CNTN5: variants seen among roughly 807,000 people sequenced by gnomAD.
The protein encoded by CNTN5 is contactin 5.
Under a neutral mutation model 129.1 loss-of-function variants are expected in CNTN5, and 77 were observed. The ratio of observed to expected loss-of-function variants is 0.60; its 90% CI spans 0.50 to 0.72. The LOEUF (loss-of-function observed/expected upper bound fraction) is 0.72. CNTN5 is among the 30% of genes least tolerant of loss of function. The pLI is 0.00. For missense variants in CNTN5, 1,478 were observed against 1,328.8 expected, an observed-to-expected ratio of 1.11 and a Z score of -1.75; for synonymous variants, 509 against 465.6, an observed-to-expected ratio of 1.09 and a Z score of -1.20.
At chr11:100,220,231 T>C (rs1949233017) in intron 15 of CNTN5, among the ~76,000 whole-genome samples, 1 of 151,888 alleles carries the variant, frequency 6.6e-6, no homozygotes, top group Admixed American at 6.5e-5. Flanking sequence ...GAGCCAAGAT[T>C]GCACCAGTGC....
At chr11:100,060,774 G>A (rs1215405739) in intron 9 of CNTN5, among the ~76,000 whole-genome samples, 1 of 151,358 alleles carries the variant, frequency 6.6e-6, no homozygotes, top group Non-Finnish European at 1.5e-5. Flanking sequence ...AGAATAGCTG[G>A]GATTATAGGC....
At chr11:99,099,765 T>C (rs1288442042) in intron 1 of CNTN5, among the ~76,000 whole-genome samples, 1 of 152,142 alleles carries the variant, frequency 6.6e-6, no homozygotes, top group Non-Finnish European at 1.5e-5. Context: ...AAGGTTGCTG[T>C]GATGATAAAT....
intron 3 of CNTN5, among the ~76,000 whole-genome samples, chr11:99,613,181 T>A (rs1950642867): frequency 1.3e-5 from 2 of 152,172 alleles, no homozygotes; most frequent in Admixed American, 1.3e-4. Flanking sequence ...TCTTGAATTG[T>A]AAGCACCATA....
intron 13 of CNTN5, among the ~76,000 whole-genome samples, chr11:100,079,680 T>G (rs184786367): frequency 3.9e-5 from 6 of 152,214 alleles, no homozygotes; most frequent in Non-Finnish European, 8.8e-5. Flanking sequence ...CTCTCCAGGT[T>G]TTCCCCCCAT....
intron 1 of CNTN5, among the ~76,000 whole-genome samples, chr11:99,069,484 A>C (rs1383032949): frequency 2.6e-5 from 4 of 152,118 alleles, no homozygotes; most frequent in Admixed American, 2.6e-4. Context: ...GTATTTGTTT[A>C]TGTCTCTCCC....
chr11:99,796,464 T>C (rs1309434495), intron 3 of CNTN5, among the ~76,000 whole-genome samples: 1 of 152,004 alleles, frequency 6.6e-6, no homozygotes, highest in Non-Finnish European at 1.5e-5. Flanking sequence ...GGGGGGTAAG[T>C]GCGAGTGACC....
chr11:99,572,791 A>G (rs7120220), intron 3 of CNTN5, among the ~76,000 whole-genome samples: 4 of 152,252 alleles, frequency 2.6e-5, no homozygotes, highest in African/African-American at 9.6e-5. Context: ...ATCAAATGAG[A>G]AAACAGTGAA....
intron 1 of CNTN5, among the ~76,000 whole-genome samples, chr11:99,300,507 AT>A (rs1166543196): frequency 2.0e-5 from 3 of 152,016 alleles, no homozygotes; most frequent in Non-Finnish European, 4.4e-5. Context: ...ATCCTGTTGA[AT>A]TTAGTTTGCT....
chr11:99,505,768 G>C (rs974250737), intron 2 of CNTN5, among the ~76,000 whole-genome samples: 1 of 152,028 alleles, frequency 6.6e-6, no homozygotes, highest in Non-Finnish European at 1.5e-5. Flanking sequence ...ATTTCTCCAG[G>C]TTAGTAAAAA....
At chr11:99,209,338 A>G in intron 1 of CNTN5, among the ~76,000 whole-genome samples, 1 of 152,156 alleles carries the variant, frequency 6.6e-6, no homozygotes, top group Non-Finnish European at 1.5e-5. Context: ...GCTTGTTGCC[A>G]GCATCTGCTT....
At chr11:100,000,571 G>A (rs1440065195) in intron 8 of CNTN5, among the ~76,000 whole-genome samples, 1 of 152,176 alleles carries the variant, frequency 6.6e-6, no homozygotes, top group Non-Finnish European at 1.5e-5. Context: ...GCAAGCTGTG[G>A]ATCCACCATT....
At chr11:99,317,649 A>C (rs112007361) in intron 1 of CNTN5, among the ~76,000 whole-genome samples, 3,041 of 152,264 alleles carry the variant, frequency 0.02, 40 homozygotes, top group Non-Finnish European at 0.027. Flanking sequence ...ACACTGCTTA[A>C]ATATCAAGGA....
chr11:100,229,184 T>G (rs902767196), intron 16 of CNTN5, among the ~76,000 whole-genome samples: 1 of 146,022 alleles, frequency 6.8e-6, no homozygotes, highest in African/African-American at 2.4e-5. Flanking sequence ...CATCAGCAGT[T>G]TATTAGCTTT....
chr11:99,484,594 T>C (rs891994666), intron 2 of CNTN5, among the ~76,000 whole-genome samples: 6 of 152,162 alleles, frequency 3.9e-5, no homozygotes, highest in Non-Finnish European at 7.4e-5. Context: ...TTTATTATGG[T>C]ATTATTCACA....
intron 6 of CNTN5, among the ~76,000 whole-genome samples, chr11:99,882,091 A>G (rs1948786248): frequency 6.6e-6 from 1 of 152,220 alleles, no homozygotes; most frequent in African/African-American, 2.4e-5. Flanking sequence ...CTATTTTAGC[A>G]AAGATGACTG....
At chr11:99,036,543 A>C (rs536083334) in intron 1 of CNTN5, among the ~76,000 whole-genome samples, 1 of 152,190 alleles carries the variant, frequency 6.6e-6, no homozygotes, top group African/African-American at 2.4e-5. Context: ...AAAACAAATA[A>C]ATATGAAATT....
In CNTN5 at chr11:99,539,350, CTT is replaced by C. The variant is rs1404378609; in HGVS notation, c.-70-16793_-70-16792del. Among the ~76,000 whole-genome samples, 4 of 151,972 alleles carry C rather than the reference CTT, an allele frequency of 2.6e-5. No homozygotes were observed. The East Asian group carries it at 7.7e-4, about 29-fold the overall frequency. ...TAAACTATTAAACTGAAACAGTAGA[CTT>C]TAAATAAAGATTAGGTCTTATTATT... On this transcript the variant is annotated intron_variant, in intron 2 of 24. Transcript: ENST00000524871.
rs182452998 is a variant in CNTN5, at chr11:99,580,633, A to G, written c.55+24364A>G. Among the ~76,000 whole-genome samples, 217 of 152,208 alleles carry G rather than the reference A, an allele frequency of 1.4e-3. 2 individuals are homozygous for G. The highest frequency in any genetic ancestry group is 4.9e-3 in the African/African-American group (202 of 41,504). ...TTATTTGCGTAGACGTGTTTATAGT[A>G]TTCTCTGATGGTAGTTTGTAGTTCT... On this transcript the variant is annotated intron_variant, in intron 3 of 24. Coordinates refer to ENST00000524871, the MANE Select transcript of CNTN5 (RefSeq NM_014361.4).
At chr11:99,213,372 A>ACATATATACACG (rs1411774224) in intron 1 of CNTN5, among the ~76,000 whole-genome samples, 10 of 138,130 alleles carry the variant, frequency 7.2e-5, no homozygotes, top group Non-Finnish European at 9.1e-5. Flanking sequence ...ATATGTATAT[A>ACATATATACACG]TGTATATACA....
Sources: allele counts gnomAD v4.1 joint callset (sites outside exome capture counted in the v4.1 genomes callset), GRCh38; gene constraint gnomAD v4.1.1; transcripts MANE v1.5; gene names NCBI Gene and HGNC (gene_info 2026-07-23, HGNC 2026-07-21).